ROBO2: variants seen among roughly 807,000 people sequenced by gnomAD.
ROBO2 encodes roundabout guidance receptor 2, also known as roundabout homolog 2.
A neutral mutation model predicts 160.8 loss-of-function variants in ROBO2; 53 were observed. The ratio of observed to expected loss-of-function variants is 0.33; its 90% confidence interval spans 0.26 to 0.41. The LOEUF is 0.41. Among genes scored for constraint, ROBO2 ranks in the 10% least tolerant of loss-of-function variants. The probability of loss-of-function intolerance (pLI) is 1.00; values close to 1 mark genes in which losing one functional copy is unlikely to be tolerated. For synonymous variants in ROBO2, 664 were observed against 611.7 expected (o/e 1.09, Z -1.26); for missense variants, 1,577 against 1,722.4 (o/e 0.92, Z 1.49).
Position 77,172,177 on chromosome 3 carries a change from T to G in ROBO2, c.388+73837T>G, listed in dbSNP as rs74975187. Among the ~76,000 whole-genome samples the G allele has an allele frequency of 8.4e-3, 1,272 of 152,234 alleles. 15 individuals carry two copies. Among genetic ancestry groups the G allele is most frequent in the African/African-American group, 0.029 (1,208 of 41,542 alleles). On this transcript the variant is annotated intron_variant, in intron 2 of 25. Coordinates refer to ENST00000461745, the Ensembl canonical transcript of ROBO2. Reference sequence around the variant, plus strand: ...TCAAAATGAAAATGTCTCCGCATGCTCAGGTAAGAAGATTTTTGTCAGTTT... The same window carrying G: ...TCAAAATGAAAATGTCTCCGCATGCGCAGGTAAGAAGATTTTTGTCAGTTT...
At chr3:77,137,479 G>A (rs1313363917) in intron 2 of ROBO2, among the ~76,000 whole-genome samples, 1 of 152,206 alleles carries the variant, frequency 6.6e-6, no homozygotes, top group African/African-American at 2.4e-5. Flanking sequence ...GCCTGCCTCG[G>A]CCTCCCAAAG....
chr3:76,038,767 C>CGTGTGT (rs66489028), intron 2 of ROBO2, among the ~76,000 whole-genome samples: 5 of 148,328 alleles, frequency 3.4e-5, no homozygotes, highest in Middle Eastern at 3.5e-3. Flanking sequence ...TGGAAAACTG[C>CGTGTGT]GTGTGTGTGT....
chr3:77,469,064 ATAAAG>A (rs1307611932), intron 2 of ROBO2, among the ~76,000 whole-genome samples: 4 of 152,236 alleles, frequency 2.6e-5, no homozygotes, highest in African/African-American at 9.6e-5. Context: ...ACCAAATGTA[ATAAAG>A]TAGTTTCTTG....
At chr3:77,240,096 C>A (rs963000113) in intron 2 of ROBO2, among the ~76,000 whole-genome samples, 2 of 152,194 alleles carry the variant, frequency 1.3e-5, no homozygotes, top group Non-Finnish European at 2.9e-5. Context: ...CTCCTGCACT[C>A]CTCAACCCTT....
intron 5 of ROBO2, among the ~76,000 whole-genome samples, chr3:77,503,523 C>CCAAA (rs747141223): frequency 6.9e-6 from 1 of 144,502 alleles, no homozygotes; most frequent in Non-Finnish European, 1.5e-5. Flanking sequence ...GAGTCCGTCT[C>CCAAA]TAAATAAATA....
At chr3:77,364,906 A>G (rs1055897354) in intron 2 of ROBO2, among the ~76,000 whole-genome samples, 2 of 152,100 alleles carry the variant, frequency 1.3e-5, no homozygotes, top group Non-Finnish European at 2.9e-5. Flanking sequence ...CTGAATAGCC[A>G]AGGATAAGCA....
At chr3:76,128,493 T>C (rs1292325533) in intron 2 of ROBO2, among the ~76,000 whole-genome samples, 1 of 152,140 alleles carries the variant, frequency 6.6e-6, no homozygotes, top group Non-Finnish European at 1.5e-5. Context: ...TGGGGAAACC[T>C]TTTAGGAAAT....
intron 2 of ROBO2, among the ~76,000 whole-genome samples, chr3:77,407,325 C>A (rs2076337273): frequency 6.6e-6 from 1 of 152,006 alleles, no homozygotes. Flanking sequence ...TTTCTCTAAG[C>A]CTTTTAGAAT....
chr3:76,550,765 C>T lies in ROBO2; in HGVS notation c.110-547249C>T, dbSNP rs186518048. ...CTGTGGCCAAACCCAGGTGCTGGCA[C>T]GACCTGGCTGAGTATGTGCACACTC... On this transcript the variant is annotated intron_variant, in intron 2 of 26. Transcript: ENST00000487694. 4.1e-4 allele frequency among the ~76,000 whole-genome samples: 63 copies of T among 152,356 alleles called. No homozygotes were observed. In the East Asian group the frequency reaches 9.8e-3, roughly 24 times the overall value.
chr3:77,132,455 C>T (rs1408122389), intron 2 of ROBO2, among the ~76,000 whole-genome samples: 2 of 151,830 alleles, frequency 1.3e-5, no homozygotes, highest in East Asian at 3.9e-4. Context: ...GTAGTTTCAG[C>T]CCCTGGAAAG....
intron 1 of ROBO2, among the ~76,000 whole-genome samples, chr3:75,921,345 G>A (rs1441038167): frequency 7.2e-6 from 1 of 139,514 alleles, no homozygotes; most frequent in African/African-American, 2.5e-5. Context: ...ACAAGTGCAT[G>A]TGATATACAT....
At chr3:76,823,236 CA>C (rs2066273906) in intron 2 of ROBO2, among the ~76,000 whole-genome samples, 1 of 152,090 alleles carries the variant, frequency 6.6e-6, no homozygotes, top group African/African-American at 2.4e-5. Flanking sequence ...ACAACAAGAT[CA>C]AGCCTCATTT....
intron 2 of ROBO2, among the ~76,000 whole-genome samples, chr3:77,454,844 TTGTTAGGATACCATA>T: frequency 6.6e-6 from 1 of 152,198 alleles, no homozygotes; most frequent in Non-Finnish European, 1.5e-5. Flanking sequence ...CTAAGATCAT[TTGTTAGGATACCATA>T]TGAATTATCA....
At chr3:76,922,224 T>A (rs1429827637) in intron 2 of ROBO2, among the ~76,000 whole-genome samples, 1 of 152,092 alleles carries the variant, frequency 6.6e-6, no homozygotes, top group Non-Finnish European at 1.5e-5. Flanking sequence ...GGCAGGAGAA[T>A]GGTGTGAACC....
intron 2 of ROBO2, among the ~76,000 whole-genome samples, chr3:76,803,113 A>G (rs146452809): frequency 0.012 from 1,875 of 152,240 alleles, 48 homozygotes; most frequent in African/African-American, 0.041. Flanking sequence ...GAAAGACACA[A>G]CCAACTCAAT....
chr3:77,209,051 T>C (rs1382135865), intron 2 of ROBO2, among the ~76,000 whole-genome samples: 2 of 152,212 alleles, frequency 1.3e-5, no homozygotes, highest in African/African-American at 4.8e-5. Context: ...ATCTCACATG[T>C]GATTCTTTGA....
intron 2 of ROBO2, among the ~76,000 whole-genome samples, chr3:77,224,802 A>T (rs1193116133): frequency 1.3e-5 from 2 of 151,914 alleles, no homozygotes; most frequent in African/African-American, 4.8e-5. Flanking sequence ...TTTCAAAGCT[A>T]CACAGATTAT....
At chr3:76,930,846 G>A (rs1369872936) in intron 2 of ROBO2, among the ~76,000 whole-genome samples, 4 of 152,206 alleles carry the variant, frequency 2.6e-5, no homozygotes, top group Non-Finnish European at 5.9e-5. Context: ...GTTGGTAAGA[G>A]CAATCTTCTC....
At position 76,286,948 on chromosome 3, in the gene ROBO2, TG is replaced by T. The variant is rs200336352; in HGVS notation, c.109+349347del. Among the ~76,000 whole-genome samples the T allele has an allele frequency of 4.2e-3, 644 of 152,322 alleles. 5 individuals carry two copies. Among genetic ancestry groups the T allele is most frequent in the Admixed American group, 0.025 (380 of 15,294 alleles). On this transcript the variant is annotated intron_variant, in intron 2 of 26. Coordinates refer to the ROBO2 transcript ENST00000487694. Reference sequence around the variant, plus strand: ...TGTAAGAAAAGGCATTTAATTCACATGTTTTCTTTTCTTTCTACCGTAAGAC... The same window carrying T: ...TGTAAGAAAAGGCATTTAATTCACATTTTTCTTTTCTTTCTACCGTAAGAC...
Sources: gnomAD v4.1 joint callset for allele counts (sites outside exome capture counted in the v4.1 genomes callset) on GRCh38, gnomAD v4.1.1 for gene constraint, MANE v1.5 for transcripts, NCBI Gene and HGNC (gene_info 2026-07-23, HGNC 2026-07-21) for gene names.